Variants in THBS1 observed in about 807,000 individuals in gnomAD.
THBS1 encodes thrombospondin-1.
A neutral mutation model predicts 126.1 loss-of-function variants in THBS1; 29 were observed. The observed-to-expected ratio is 0.23, with a 90% CI of 0.17 to 0.31. The LOEUF is 0.31. Among genes scored for constraint, THBS1 ranks in the 10% least tolerant of loss-of-function variants. The pLI, the probability that THBS1 is intolerant of heterozygous loss-of-function variation, is 1.00. For synonymous variants in THBS1, 496 were observed against 577.8 expected (o/e 0.86, Z 2.03); for missense variants, 1,198 against 1,545.2 (o/e 0.78, Z 3.77).
At chr15:39,595,188 A>G (rs548849015) in intron 21 of THBS1, among the ~76,000 whole-genome samples, 174 bp from the exon 22 acceptor site, 1 of 152,386 alleles carries the variant, frequency 6.6e-6, no homozygotes, top group South Asian at 2.1e-4. Context: ...GTCTCCTAGC[A>G]TCAATGTCAG....
chr15:39,587,550 A>C (rs1421722148), intron 8 of THBS1, 30 bp downstream of exon 8: 1 of 1,587,872 alleles, frequency 6.3e-7, no homozygotes, highest in Admixed American at 1.7e-5. Flanking sequence ...AGGGACGTGG[A>C]GAACTGACCT....
rs1195903793 is a variant in THBS1 at position 39,591,639 on chromosome 15, C to T, written c.2532+16C>T. On this transcript the variant is annotated intron_variant, in intron 16 of 21. Coordinates refer to ENST00000260356, the MANE Select transcript of THBS1 (RefSeq NM_003246.4). The stretch of plus-strand genomic sequence containing the variant: ...TCCGGATCAGGTAGGTGGATGGACT[C>T]CTTTCAGAGTCTTTCAGTAAACTGT... 6.3e-7 allele frequency: 1 copy of T among 1,599,190 alleles called. No homozygotes were observed. Among genetic ancestry groups the T allele is most frequent in the South Asian group, 1.1e-5 (1 of 90,756 alleles).
Position 39,597,266 on chromosome 15 carries a change from CT to C in THBS1, c.*1905del, listed in dbSNP as rs1195267531. On this transcript the variant is annotated 3_prime_UTR_variant, in exon 22 of 22. Transcript: ENST00000260356. ...TGAATTGAAGAATTGTTGGTTTTTT[CT>C]TTTTTTTGTTTTGTTTTTTTTTTTT... 5 of 45,970 alleles carry C rather than the reference CT, an allele frequency of 1.1e-4. No homozygotes were observed. The highest frequency in any genetic ancestry group is 2.4e-4 in the African/African-American group (3 of 12,252). The allele number at this position is 45,970 out of a possible 1,614,324, so 2.8% of individuals were successfully genotyped here.
In THBS1 at chr15:39,590,664, A is replaced by G. The variant is rs199520023; in HGVS notation, c.2253+41A>G. Reference sequence around the variant, plus strand: ...TATCCCTTTTTCATCTTTTCAGTTCAGCAACAGCCTGAAACACTTTGGGAT... The same window carrying G: ...TATCCCTTTTTCATCTTTTCAGTTCGGCAACAGCCTGAAACACTTTGGGAT... On this transcript the variant is annotated intron_variant, in intron 14 of 21. Transcript: ENST00000260356. 1,421 of 1,547,554 alleles carry G rather than the reference A, an allele frequency of 9.2e-4. 1 individual carries two copies. Among genetic ancestry groups the G allele is most frequent in the South Asian group, 1.6e-3 (140 of 88,570 alleles).
rs1890375709 is a variant in THBS1, at chr15:39,593,699, A to T, written c.3267+31A>T. 1 of 1,606,364 alleles carries T rather than the reference A, an allele frequency of 6.2e-7. No individual in the cohort carries two copies. Among genetic ancestry groups the T allele is most frequent in the South Asian group, 1.1e-5 (1 of 90,604 alleles). On this transcript the variant is annotated intron_variant, in intron 19 of 21. Coordinates refer to ENST00000260356, the MANE Select transcript of THBS1 (RefSeq NM_003246.4). This position sits in a 1 kb window ranked among gnomAD's most constrained non-coding sequence, Gnocchi z 5.9. The stretch of plus-strand genomic sequence containing the variant: ...AAGCAAAGCCCTGGAACAGAGAGAG[A>T]GCTTATGGGTGCCTGACTAGCACTG...
intron 21 of THBS1, 60 bp from the exon 22 acceptor site, chr15:39,595,302 T>A (rs1890413144): frequency 3.7e-6 from 4 of 1,073,024 alleles, no homozygotes; most frequent in African/African-American, 1.6e-5. Context: ...AACTAAGATG[T>A]CTATGCTTTT....
chr15:39,594,002 A>G lies in THBS1; in HGVS notation c.3268-97A>G. ...CCATTGCAGCCCTCTAACTTAGATC[A>G]GCTCAGTACCTTTCAAGCATTGTTT... On this transcript the variant is annotated intron_variant, in intron 19 of 21. Coordinates refer to ENST00000260356, the MANE Select transcript of THBS1 (RefSeq NM_003246.4). The surrounding 1 kb of genome is among the most constrained non-coding windows in gnomAD (Gnocchi z 4.4). The G allele has an allele frequency of 7.7e-7, 1 of 1,302,424 alleles. No individual in the cohort carries two copies. The highest frequency in any genetic ancestry group is 1.1e-6 in the Non-Finnish European group (1 of 949,732). 80.7% of individuals were successfully genotyped at this position (1,302,424 alleles called of 1,614,324 possible). A position where few individuals can be genotyped will look rare whatever the true frequency, so the allele number is the denominator to read the frequency against.
chr15:39,593,768 A>G lies in THBS1; in HGVS notation c.3267+100A>G. The G allele has an allele frequency of 6.7e-7, 1 of 1,494,956 alleles. No homozygotes were observed. Among genetic ancestry groups the G allele is most frequent in the Non-Finnish European group, 9.0e-7 (1 of 1,111,712 alleles). The allele number at this position is 1,494,956 out of a possible 1,614,324, so 92.6% of individuals were successfully genotyped here. A position where few individuals can be genotyped will look rare whatever the true frequency, so the allele number is the denominator to read the frequency against. ...CAAGACTCTGACCAGGGAGTCTTAG[A>G]AAGTTCCCAGCATCACCAGCTGCAG... is the stretch of plus-strand genomic sequence containing the variant. On this transcript the variant is annotated intron_variant, in intron 19 of 21. Coordinates refer to ENST00000260356, the MANE Select transcript of THBS1 (RefSeq NM_003246.4). The surrounding 1 kb of genome is among the most constrained non-coding windows in gnomAD (Gnocchi z 5.9).
At chr15:39,587,194 T>C in intron 7 of THBS1, 153 bp from the exon 8 acceptor site, 1 of 638,596 alleles carries the variant, frequency 1.6e-6, no homozygotes, top group Non-Finnish European at 2.6e-6. Flanking sequence ...CTTAAATGTA[T>C]ATAATATTTG....
rs776105036 is a variant in THBS1 at position 39,594,463 on chromosome 15, T to C, written c.3505+23T>C. 4 of 1,612,176 alleles carry C rather than the reference T, an allele frequency of 2.5e-6. No individual in the cohort carries two copies. In the South Asian group the frequency reaches 3.3e-5, roughly 13 times the overall value. On this transcript the variant is annotated intron_variant, in intron 21 of 21. Coordinates refer to ENST00000260356, the MANE Select transcript of THBS1 (RefSeq NM_003246.4). This position sits in a 1 kb window ranked among gnomAD's most constrained non-coding sequence, Gnocchi z 4.4. Reference sequence around the variant, plus strand: ...GAGGTAAGAGCAACATCACCATGAATGTACACTGGACATCTCTATTTCAGA... The same window carrying C: ...GAGGTAAGAGCAACATCACCATGAACGTACACTGGACATCTCTATTTCAGA...
At position 39,588,540 on chromosome 15, in the gene THBS1, G is replaced by A. The variant is rs768354863; in HGVS notation, c.1486G>A (p.Gly496Ser). 2 of 1,555,848 alleles carry A rather than the reference G, an allele frequency of 1.3e-6. No individual in the cohort carries two copies. The highest frequency in any genetic ancestry group is 1.7e-6 in the Non-Finnish European group (2 of 1,155,970). ...KDACPINGGW[G>S]PWSPWDICSV... ...TCTTCTTACAGTCAATGGAGGCTGG[G>A]GTCCTTGGTCACCATGGGACATCTG... Residue 496 changes from glycine to serine, a missense_variant, in exon 10 of 22, where the codon GGT becomes AGT. Gly to Ser is a moderately conservative substitution (Grantham distance 56). Transcript: ENST00000260356.
At chr15:39,581,660 C>CTCTCTCTT (rs1250448153) in intron 1 of THBS1, 169 bp from the exon 2 acceptor site, 1 of 499,820 alleles carries the variant, frequency 2.0e-6, no homozygotes, top group African/African-American at 2.0e-5. Flanking sequence ...CTCTCTCTCT[C>CTCTCTCTT]TCTCTCTCAT....
rs1264260162 is a variant in THBS1 at position 39,589,736 on chromosome 15, G to T, written c.1927-69G>T. ...TCTACTCAGAGATGACAGGGATCTG[G>T]ATTCTTGTTTCCATGATATCTGAGG... On this transcript the variant is annotated intron_variant, in intron 12 of 21. Transcript: ENST00000260356. This position sits in a 1 kb window ranked among gnomAD's most constrained non-coding sequence, Gnocchi z 4.7. 6.8e-7 allele frequency: 1 copy of T among 1,469,928 alleles called. No homozygotes were observed. The highest frequency in any genetic ancestry group is 2.2e-5 in the Admixed American group (1 of 45,470). The allele number at this position is 1,469,928 out of a possible 1,614,324, so 91.1% of individuals were successfully genotyped here.
At chr15:39,583,530 G>C in intron 3 of THBS1, 87 bp from the exon 4 acceptor site, 1 of 1,102,790 alleles carries the variant, frequency 9.1e-7, no homozygotes, top group South Asian at 1.5e-5. Flanking sequence ...TCTATTGTAT[G>C]CTTTTCCTAG....
At chr15:39,595,030 A>G (rs906651983) in intron 21 of THBS1, among the ~76,000 whole-genome samples, 5 of 152,260 alleles carry the variant, frequency 3.3e-5, no homozygotes, top group African/African-American at 1.2e-4. Flanking sequence ...CAATGACAGT[A>G]GAGAAAGATG....
chr15:39,583,858 A>G, intron 4 of THBS1, 130 bp from the exon 5 acceptor site: 1 of 1,204,554 alleles, frequency 8.3e-7, no homozygotes, highest in Non-Finnish European at 1.2e-6. Flanking sequence ...ACACGTATAC[A>G]CACGTGCGCA....
In THBS1 at chr15:39,584,254, T is replaced by C. The variant is rs199855573; in HGVS notation, c.904-46T>C. 1.5e-4 allele frequency: 238 copies of C among 1,614,188 alleles called. 2 individuals are homozygous for C. In the East Asian group the frequency reaches 3.2e-3, roughly 22 times the overall value. ...AAGGTTTATCGCAGATGGTCCCAAA[T>C]GACTGAAAATGCGGGGGGACACTAA... is the stretch of plus-strand genomic sequence containing the variant. On this transcript the variant is annotated intron_variant, in intron 5 of 21. Coordinates refer to ENST00000260356, the MANE Select transcript of THBS1 (RefSeq NM_003246.4).
intron 9 of THBS1, 78 bp from the exon 10 acceptor site, chr15:39,588,448 C>G (rs948393515): frequency 6.8e-7 from 1 of 1,475,742 alleles, no homozygotes; most frequent in African/African-American, 1.4e-5. Context: ...GTTTCTTGAA[C>G]GGGCTTAGGA....
chr15:39,599,196 A>G lies in THBS1; in HGVS notation c.*3827A>G, dbSNP rs1890554444. The G allele has an allele frequency of 6.6e-6, 1 of 152,160 alleles. No homozygotes were observed. The highest frequency in any genetic ancestry group is 1.5e-5 in the Non-Finnish European group (1 of 68,030). The allele number at this position is 152,160 out of a possible 1,614,324, so 9.4% of individuals were successfully genotyped here. A position where few individuals can be genotyped will look rare whatever the true frequency, so the allele number is the denominator to read the frequency against. On this transcript the variant is annotated 3_prime_UTR_variant, in exon 22 of 22. Coordinates refer to ENST00000260356, the MANE Select transcript of THBS1 (RefSeq NM_003246.4). ...ACATCTATTTTTAATAACACTTTCT[A>G]TCTAAATCAGGGTGACTTTTTAAAA...
Sources: allele counts gnomAD v4.1 joint callset (sites outside exome capture counted in the v4.1 genomes callset), GRCh38; gene constraint gnomAD v4.1.1; non-coding constraint Gnocchi (gnomAD v3.1); transcripts MANE v1.5; gene names NCBI Gene and HGNC (gene_info 2026-07-23, HGNC 2026-07-21).